DCST1: variants seen among roughly 807,000 people sequenced by gnomAD.
The protein encoded by DCST1 is DC-STAMP domain containing 1, also known as E3 ubiquitin-protein ligase DCST1.
In DCST1, 78 loss-of-function variants were observed where a neutral mutation model predicts 89.1. The ratio of observed to expected loss-of-function variants is 0.88; its 90% CI spans 0.73 to 1.06. The LOEUF (loss-of-function observed/expected upper bound fraction) is 1.06, where lower values mean the gene tolerates loss of function less well. Among genes scored for constraint, DCST1 ranks in the 50% least tolerant of loss-of-function variants. The pLI is 0.00. For missense variants in DCST1, 900 were observed against 928.6 expected (o/e 0.97, Z 0.40); for synonymous variants, 364 against 371.9 (o/e 0.98, Z 0.24).
chr1:155,034,954 C>T, intron 4 of DCST1: 1 of 573,868 alleles, frequency 1.7e-6, no homozygotes, highest in South Asian at 2.0e-5. Flanking sequence ...GAGGGACTCC[C>T]CATCACCCAC....
Position 155,037,415 on chromosome 1 carries a change from T to A in DCST1, c.263-1988T>A, listed in dbSNP as rs372301430. ...CCCATTCCAACCACTTTTCTCCCCT[T>A]CCAGGAAATCCACATTGTTGGTCTT... On this transcript the variant is annotated intron_variant, in intron 4 of 16. Transcript: ENST00000295542. 6.2e-4 allele frequency among the ~76,000 whole-genome samples: 93 copies of A among 150,214 alleles called. 3 individuals are homozygous for A. The East Asian group carries it at 0.012, about 19-fold the overall frequency.
At chr1:155,042,687 T>C in intron 8 of DCST1, 48 bp from the exon 9 acceptor site, 2 of 1,612,442 alleles carry the variant, frequency 1.2e-6, no homozygotes. Context: ...GGCCTGCACC[T>C]GGAGGACAGG....
chr1:155,049,563 CACT>C (rs1660796578), intron 16 of DCST1, among the ~76,000 whole-genome samples: 2 of 152,096 alleles, frequency 1.3e-5, no homozygotes, highest in South Asian at 2.1e-4. Flanking sequence ...TACAGGCACA[CACT>C]ACCACGCCCG....
At chr1:155,048,034 A>C in intron 15 of DCST1, 23 bp from the exon 16 acceptor site, 2 of 1,613,398 alleles carry the variant, frequency 1.2e-6, no homozygotes, top group Non-Finnish European at 1.7e-6. Context: ...TTTCTCTATC[A>C]TTGACCCCCT....
chr1:155,043,521 T>C lies in DCST1; in HGVS notation c.1172+12T>C, dbSNP rs778821729. On this transcript the variant is annotated intron_variant, in intron 10 of 16. Transcript: ENST00000295542. Reference sequence around the variant, plus strand: ...CTGGTCCTGCATGCGTGAGCCATAGTCCCCACCCCAGCAGCCCCTCCTCTG... The same window carrying C: ...CTGGTCCTGCATGCGTGAGCCATAGCCCCCACCCCAGCAGCCCCTCCTCTG... 2.2e-5 allele frequency: 34 copies of C among 1,562,800 alleles called. No individual in the cohort carries two copies. Among genetic ancestry groups the C allele is most frequent in the Non-Finnish European group, 1.3e-5 (15 of 1,152,964 alleles).
At chr1:155,047,150 A>T (rs1451189675) in intron 13 of DCST1, 46 bp from the exon 14 acceptor site, 8 of 1,498,170 alleles carry the variant, frequency 5.3e-6, no homozygotes, top group Non-Finnish European at 7.4e-6. Context: ...CACATTCCTG[A>T]TTTCTCCACC....
intron 12 of DCST1, 47 bp downstream of exon 12, chr1:155,046,267 G>A: frequency 6.2e-7 from 1 of 1,614,132 alleles, no homozygotes; most frequent in Non-Finnish European, 8.5e-7. Context: ...AGACAGGCCT[G>A]AAGGTGAGGG....
At chr1:155,040,348 A>T in intron 5 of DCST1, 137 bp from the exon 6 acceptor site, 5 of 867,182 alleles carry the variant, frequency 5.8e-6, no homozygotes, top group Non-Finnish European at 8.1e-6. Flanking sequence ...AGGTTGAACA[A>T]GTTGACCTTT....
At chr1:155,034,956 A>G in intron 4 of DCST1, 1 of 572,830 alleles carries the variant, frequency 1.7e-6, no homozygotes, top group Non-Finnish European at 3.1e-6. Flanking sequence ...GGGACTCCCC[A>G]TCACCCACAT....
At chr1:155,046,598 C>CCCTTTTTTT (rs1660640438) in intron 13 of DCST1, 112 bp downstream of exon 13, 7 of 415,816 alleles carry the variant, frequency 1.7e-5, no homozygotes, top group African/African-American at 1.0e-4. Context: ...GTCCTTCTGC[C>CCCTTTTTTT]TCTTTTTTTT....
chr1:155,040,596 C>A lies in DCST1; in HGVS notation c.503C>A (p.Pro168His). ...GCAGCTTGGCGCATCTCCACAGCCC[C>A]CTTACGGGCCATGTTCAAGGACCTG... ...TRAAWRISTA[P>H]LRAMFKDLLS... The change falls in exon 6 of 17, where the codon CCC becomes CAC. Residue 168 changes from proline (P) to histidine (H), a missense_variant. Physicochemically the swap from Pro to His is moderately conservative, Grantham distance 77. Transcript: ENST00000295542. 6.3e-7 allele frequency: 1 copy of A among 1,582,638 alleles called. No individual in the cohort carries two copies. Among genetic ancestry groups the A allele is most frequent in the African/African-American group, 1.3e-5 (1 of 74,392 alleles).
Position 155,041,758 on chromosome 1 carries a change from C to T in DCST1, c.793C>T (p.Arg265Cys), listed in dbSNP as rs778321972. The change falls in exon 8 of 17, where the codon CGC (arginine) becomes TGC (cysteine). Residue 265 changes from arginine to cysteine, a missense_variant. Arg to Cys is a radical substitution (Grantham distance 180). Transcript: ENST00000295542. The part of the protein sequence containing the change: ...AILSCRRWFD[R>C]KHEQCMKHIW... ...ACTCAGCTGCCGTCGTTGGTTTGAC[C>T]GCAAGCATGAACAGTGCATGAAGCA... The T allele has an allele frequency of 3.3e-5, 53 of 1,614,112 alleles. 1 individual carries two copies. The highest frequency in any genetic ancestry group is 3.3e-4 in the Middle Eastern group (2 of 6,084).
chr1:155,037,104 GAGA>G (rs1245364904), intron 4 of DCST1, among the ~76,000 whole-genome samples: 1 of 152,198 alleles, frequency 6.6e-6, no homozygotes, highest in East Asian at 1.9e-4. Flanking sequence ...CTGCCCTGAT[GAGA>G]AGCAGATGCC....
At chr1:155,047,555 C>T (rs1475160204) in intron 14 of DCST1, among the ~76,000 whole-genome samples, 2 of 152,220 alleles carry the variant, frequency 1.3e-5, no homozygotes, top group East Asian at 1.9e-4. Flanking sequence ...CCCAGCCCTC[C>T]AGAGCAGCAC....
At chr1:155,045,645 T>G in intron 10 of DCST1, 1 of 524,652 alleles carries the variant, frequency 1.9e-6, no homozygotes, top group Admixed American at 3.2e-5. Context: ...AGCCCCCACC[T>G]CATCCCCTAC....
Position 155,045,998 on chromosome 1 carries a change from T to C in DCST1, c.1272+6T>C, listed in dbSNP as rs1558110023. ...ATGACCGCAGGAAGAAGCTGGTGAGTGGGCACGGCACTGCCCGGGGATGCC... is the reference window on the plus strand; with the variant it reads ...ATGACCGCAGGAAGAAGCTGGTGAGCGGGCACGGCACTGCCCGGGGATGCC... On this transcript the variant is annotated splice_donor_region_variant and intron_variant, in intron 11 of 16. Coordinates refer to ENST00000295542, the MANE Select transcript of DCST1 (RefSeq NM_152494.4). 1 of 1,614,026 alleles carries C rather than the reference T, an allele frequency of 6.2e-7. No homozygotes were observed. The highest frequency in any genetic ancestry group is 8.5e-7 in the Non-Finnish European group (1 of 1,179,914).
chr1:155,048,497 A>C (rs894966463), intron 16 of DCST1, among the ~76,000 whole-genome samples: 3 of 152,128 alleles, frequency 2.0e-5, no homozygotes, highest in African/African-American at 7.2e-5. Context: ...ACAGGGTTTC[A>C]CCATGTTGGC....
chr1:155,043,766 AT>A (rs915333163), intron 10 of DCST1, among the ~76,000 whole-genome samples: 82 of 146,214 alleles, frequency 5.6e-4, no homozygotes, highest in South Asian at 6.5e-4. Context: ...CCCAATACTG[AT>A]TTTTTTTTTT....
chr1:155,048,565 C>T (rs966129553), intron 16 of DCST1, among the ~76,000 whole-genome samples: 1 of 152,076 alleles, frequency 6.6e-6, no homozygotes, highest in Non-Finnish European at 1.5e-5. Context: ...CTTCCAAAGT[C>T]CTAGGATTAC....
Sources: gnomAD v4.1 joint callset for allele counts (sites outside exome capture counted in the v4.1 genomes callset) on GRCh38, gnomAD v4.1.1 for gene constraint, MANE v1.5 for transcripts, NCBI Gene and HGNC (gene_info 2026-07-23, HGNC 2026-07-21) for gene names.